Variants in MEIOSIN observed in about 807,000 individuals in gnomAD.
MEIOSIN encodes meiosis initiator, also known as meiosis initiator protein.
A neutral mutation model predicts 23.4 loss-of-function variants in MEIOSIN; 18 were observed. The ratio of observed to expected loss-of-function variants is 0.77; its 90% confidence interval spans 0.53 to 1.14. The LOEUF is 1.14. MEIOSIN is among the 50% of genes most tolerant of loss of function. The pLI is 0.00. For synonymous variants in MEIOSIN, 187 were observed against 100.6 expected (o/e 1.86, Z -5.14); for missense variants, 428 against 242.9 (o/e 1.76, Z -5.07).
rs1168213932 is a variant in MEIOSIN at position 45,764,335 on chromosome 19, G to C, written c.*217G>C. The stretch of plus-strand genomic sequence containing the variant: ...CCACAGCTGCCTTGATTCTCCCCCA[G>C]GCTTAGGAAGGAAACCCAAAATGAA... On this transcript the variant is annotated 3_prime_UTR_variant, in exon 15 of 15. Transcript: ENST00000457052. 2.6e-6 allele frequency: 1 copy of C among 391,978 alleles called. No individual in the cohort carries two copies. Among genetic ancestry groups the C allele is most frequent in the African/African-American group, 2.1e-5 (1 of 48,480 alleles). 24.3% of individuals were successfully genotyped at this position (391,978 alleles called of 1,614,324 possible). A position where few individuals can be genotyped will look rare whatever the true frequency, so the allele number is the denominator to read the frequency against.
intron 4 of MEIOSIN, among the ~76,000 whole-genome samples, chr19:45,749,691 A>G (rs1428621360): frequency 1.5e-5 from 2 of 135,374 alleles, no homozygotes; most frequent in Non-Finnish European, 3.2e-5. Context: ...AAAAAAAAAA[A>G]GCGCAAAAAA....
rs554172681 is a variant in MEIOSIN, at chr19:45,737,946, G to A, written c.72-1680G>A. Among the ~76,000 whole-genome samples the A allele has an allele frequency of 4.0e-5, 6 of 151,534 alleles. No homozygotes were observed. The South Asian group carries it at 1.0e-3, about 26-fold the overall frequency. On this transcript the variant is annotated intron_variant, in intron 2 of 14. Transcript: ENST00000457052. Reference sequence around the variant, plus strand: ...AAAAAAAAAAAAAAAATTGTGGACAGGGTCTCACCATGCTGCCTACACTGG... The same window carrying A: ...AAAAAAAAAAAAAAAATTGTGGACAAGGTCTCACCATGCTGCCTACACTGG...
intron 9 of MEIOSIN, 44 bp downstream of exon 9, chr19:45,757,321 C>A (rs1010222425): frequency 8.7e-6 from 6 of 691,188 alleles, no homozygotes; most frequent in Non-Finnish European, 1.3e-5. Context: ...TGGTGTGGGC[C>A]TTCCCATACT....
At chr19:45,739,123 G>T (rs1000794501) in intron 2 of MEIOSIN, among the ~76,000 whole-genome samples, 8 of 152,036 alleles carry the variant, frequency 5.3e-5, no homozygotes, top group Non-Finnish European at 1.5e-5. Context: ...TCTCAAGCAG[G>T]TTCTCCCTTT....
At chr19:45,757,045 T>C (rs1968843959) in intron 8 of MEIOSIN, 132 bp from the exon 9 acceptor site, 3 of 589,986 alleles carry the variant, frequency 5.1e-6, no homozygotes, top group Non-Finnish European at 9.2e-6. Context: ...TCCCTGAGGA[T>C]GGGAGCCTCG....
chr19:45,745,039 A>G (rs1968566954), intron 3 of MEIOSIN, among the ~76,000 whole-genome samples, 153 bp from the exon 4 acceptor site: 1 of 152,170 alleles, frequency 6.6e-6, no homozygotes, highest in Non-Finnish European at 1.5e-5. Flanking sequence ...AAGGGAAAGT[A>G]ACAAGTACGG....
intron 7 of MEIOSIN, among the ~76,000 whole-genome samples, chr19:45,755,185 T>G (rs1195585944): frequency 2.0e-5 from 3 of 151,262 alleles, no homozygotes; most frequent in Non-Finnish European, 3.0e-5. Flanking sequence ...AGTCTTGCTC[T>G]GTCGCCCAGG....
intron 8 of MEIOSIN, among the ~76,000 whole-genome samples, chr19:45,756,832 T>C (rs78898068): frequency 0.037 from 5,601 of 152,166 alleles, 354 homozygotes; most frequent in African/African-American, 0.13. Context: ...GCCACACATT[T>C]GCCATTCCCC....
intron 4 of MEIOSIN, among the ~76,000 whole-genome samples, chr19:45,748,118 C>T (rs1228528086): frequency 4.6e-5 from 7 of 151,886 alleles, no homozygotes; most frequent in African/African-American, 1.5e-4. Flanking sequence ...CGCTCTGTAC[C>T]CCAGGCTGGA....
chr19:45,755,492 C>A (rs1459265875), intron 7 of MEIOSIN, among the ~76,000 whole-genome samples: 1 of 151,872 alleles, frequency 6.6e-6, no homozygotes, highest in Non-Finnish European at 1.5e-5. Context: ...CTTGCTCTGT[C>A]GCCCATGCTG....
chr19:45,739,314 C>T (rs1208536853), intron 2 of MEIOSIN, among the ~76,000 whole-genome samples: 2 of 152,030 alleles, frequency 1.3e-5, no homozygotes, highest in Non-Finnish European at 2.9e-5. Context: ...CCAGGCCTGG[C>T]TAATTTTCTC....
rs2146168961 is a variant in MEIOSIN at position 45,733,830 on chromosome 19, G to C, written c.-1+164G>C. On this transcript the variant is annotated intron_variant, in intron 1 of 14. Transcript: ENST00000457052. This position sits in a 1 kb window ranked among gnomAD's most constrained non-coding sequence, Gnocchi z 5.7. ...CAGGGCCACGGGCGACGGAGTTTGG[G>C]TTTGAAGCCGGGGGTCCAGGTTCGA... 6.6e-6 allele frequency among the ~76,000 whole-genome samples: 1 copy of C among 152,336 alleles called. No individual in the cohort carries two copies. The highest frequency in any genetic ancestry group is 2.1e-4 in the South Asian group (1 of 4,832).
Position 45,761,824 on chromosome 19 carries a change from G to GCTCCAT in MEIOSIN, c.1394_1395insCATCTC (p.Ser465_Glu466insIleSer). ...AGCTCCAGCTCCAGCTCCAGCTCCA[G>GCTCCAT]CTCGGAGGACAGCGACTCGGAGCCC... is the stretch of plus-strand genomic sequence containing the variant. On this transcript the variant is annotated inframe_insertion, in exon 12 of 15. Coordinates refer to ENST00000457052, the MANE Select transcript of MEIOSIN (RefSeq NM_001310124.2). 1 of 700,498 alleles carries GCTCCAT rather than the reference G, an allele frequency of 1.4e-6. No homozygotes were observed. The highest frequency in any genetic ancestry group is 2.6e-6 in the Non-Finnish European group (1 of 381,966). The allele number at this position is 700,498 out of a possible 1,614,324, so 43.4% of individuals were successfully genotyped here. A position where few individuals can be genotyped will look rare whatever the true frequency, so the allele number is the denominator to read the frequency against.
At chr19:45,744,679 C>A (rs940250895) in intron 3 of MEIOSIN, among the ~76,000 whole-genome samples, 1 of 151,524 alleles carries the variant, frequency 6.6e-6, no homozygotes, top group Non-Finnish European at 1.5e-5. Context: ...GCAATCTTGG[C>A]TCACTGCAAC....
intron 2 of MEIOSIN, among the ~76,000 whole-genome samples, chr19:45,737,204 G>C (rs1968422856): frequency 6.8e-6 from 1 of 147,846 alleles, no homozygotes; most frequent in Non-Finnish European, 1.5e-5. Context: ...ACAAGGTCTT[G>C]CTCTGTCACC....
At chr19:45,757,444 A>G (rs181823093) in intron 9 of MEIOSIN, among the ~76,000 whole-genome samples, 167 bp downstream of exon 9, 243 of 152,340 alleles carry the variant, frequency 1.6e-3, no homozygotes, top group Non-Finnish European at 2.4e-3. Flanking sequence ...CACCGCTGCC[A>G]CGGAGGCTTG....
At chr19:45,737,472 GCT>G (rs1968426426) in intron 2 of MEIOSIN, among the ~76,000 whole-genome samples, 1 of 151,280 alleles carries the variant, frequency 6.6e-6, no homozygotes, top group African/African-American at 2.4e-5. Context: ...ACCACGCCTG[GCT>G]CTTTCTTTTT....
At chr19:45,751,084 C>T (rs911608183) in intron 5 of MEIOSIN, among the ~76,000 whole-genome samples, 1 of 152,014 alleles carries the variant, frequency 6.6e-6, no homozygotes, top group East Asian at 1.9e-4. Context: ...ACCAGCCTGG[C>T]CAACATGGCA....
rs1968760577 is a variant in MEIOSIN, at chr19:45,753,746, G to C, written c.514G>C (p.Ala172Pro). ...CTCTCAGAAGTCCTGTCTCCAGGGG[G>C]CGTGCCAGAAGCCTCGGAAGAAGAA... ...PSSQKSCLQG[A>P]CQKPRKKKLT... Residue 172 changes from alanine to proline, a missense_variant, in exon 6 of 15, where the codon GCG (alanine) becomes CCG (proline). Coordinates refer to ENST00000457052, the MANE Select transcript of MEIOSIN (RefSeq NM_001310124.2). The C allele has an allele frequency of 1.4e-6, 1 of 702,930 alleles. No individual in the cohort carries two copies. The allele number at this position is 702,930 out of a possible 1,614,324, so 43.5% of individuals were successfully genotyped here.
Sources: gnomAD v4.1 joint callset for allele counts (sites outside exome capture counted in the v4.1 genomes callset) on GRCh38, gnomAD v4.1.1 for gene constraint, Gnocchi (gnomAD v3.1) non-coding constraint, MANE v1.5 for transcripts, NCBI Gene and HGNC (gene_info 2026-07-23, HGNC 2026-07-21) for gene names.